The following TNRC6A variants were observed in gnomAD, a reference collection of about 807,000 sequenced individuals.
The protein encoded by TNRC6A is trinucleotide repeat-containing gene 6A protein.
TNRC6A carries 44 observed loss-of-function variants against 221.2 expected under a neutral mutation model. That is an observed-to-expected ratio of 0.20 (90% CI 0.16 to 0.26). TNRC6A has a LOEUF of 0.26. Ranked by LOEUF, TNRC6A falls within the 10% of genes least tolerant of loss-of-function variation. TNRC6A has a pLI of 1.00. For synonymous variants in TNRC6A, 847 were observed against 838.5 expected, an observed-to-expected ratio of 1.01 and a Z score of -0.18; for missense variants, 2,199 against 2,404.4, an observed-to-expected ratio of 0.91 and a Z score of 1.79.
intron 11 of TNRC6A, among the ~76,000 whole-genome samples, chr16:24,802,685 C>G (rs1167779967): frequency 6.6e-6 from 1 of 152,028 alleles, no homozygotes; most frequent in Non-Finnish European, 1.5e-5. Context: ...CTGCTGATAC[C>G]CTGATAGTGA....
chr16:24,721,681 C>T (rs932869310), intron 2 of TNRC6A, among the ~76,000 whole-genome samples: 1 of 152,136 alleles, frequency 6.6e-6, no homozygotes, highest in African/African-American at 2.4e-5. Context: ...GTGGTGCATG[C>T]CTTTGGTCCC....
At chr16:24,732,948 G>A (rs1158764800) in intron 2 of TNRC6A, among the ~76,000 whole-genome samples, 8 of 152,176 alleles carry the variant, frequency 5.3e-5, no homozygotes, top group Non-Finnish European at 7.3e-5. Flanking sequence ...CGAGTGCTGT[G>A]GCTCACACCT....
chr16:24,779,588 G>T (rs2057796118), intron 5 of TNRC6A, among the ~76,000 whole-genome samples: 2 of 152,128 alleles, frequency 1.3e-5, no homozygotes, highest in South Asian at 2.1e-4. Context: ...TCCTTATGGG[G>T]TGCTTACTGT....
intron 2 of TNRC6A, among the ~76,000 whole-genome samples, chr16:24,701,239 G>T (rs913169815): frequency 1.3e-5 from 2 of 152,204 alleles, no homozygotes; most frequent in African/African-American, 4.8e-5. Flanking sequence ...GGGACTGCAG[G>T]GGGAGCTTCA....
intron 4 of TNRC6A, among the ~76,000 whole-genome samples, chr16:24,758,941 AGT>A (rs1414163261): frequency 6.6e-6 from 1 of 152,104 alleles, no homozygotes; most frequent in East Asian, 1.9e-4. Flanking sequence ...CTGAATCAGG[AGT>A]TCTTCACCCT....
At chr16:24,625,572 A>C (rs1430855364) in intron 1 of TNRC6A, among the ~76,000 whole-genome samples, 1 of 151,900 alleles carries the variant, frequency 6.6e-6, no homozygotes, top group Non-Finnish European at 1.5e-5. Flanking sequence ...AAAAAATACA[A>C]AAAATTAGCC....
intron 17 of TNRC6A, among the ~76,000 whole-genome samples, chr16:24,807,029 A>G (rs890291604): frequency 3.4e-5 from 5 of 149,246 alleles, no homozygotes; most frequent in Non-Finnish European, 7.4e-5. Flanking sequence ...TTTTTAGGAC[A>G]GAGTCTTGCT....
At chr16:24,789,060 T>C in intron 5 of TNRC6A, among the ~76,000 whole-genome samples, 172 bp from the exon 6 acceptor site, 1 of 152,232 alleles carries the variant, frequency 6.6e-6, no homozygotes, top group East Asian at 1.9e-4. Context: ...ACATAGAAAG[T>C]TGGTGGCTAG....
intron 2 of TNRC6A, among the ~76,000 whole-genome samples, chr16:24,694,329 C>A (rs983076427): frequency 1.3e-5 from 2 of 152,112 alleles, no homozygotes; most frequent in African/African-American, 2.4e-5. Context: ...CACATGGACA[C>A]AATGACCCTA....
At chr16:24,649,062 C>G (rs1356272871) in intron 2 of TNRC6A, among the ~76,000 whole-genome samples, 1 of 151,896 alleles carries the variant, frequency 6.6e-6, no homozygotes, top group Non-Finnish European at 1.5e-5. Context: ...GGGAGGATCG[C>G]TTGAGCCCAG....
chr16:24,792,613 C>CTTTTTTTGT (rs2058129635), intron 6 of TNRC6A, among the ~76,000 whole-genome samples: 2 of 56,512 alleles, frequency 3.5e-5, no homozygotes, highest in Non-Finnish European at 5.8e-5. Context: ...ACATTTATGG[C>CTTTTTTTGT]TTTTTTTTTT....
intron 2 of TNRC6A, among the ~76,000 whole-genome samples, chr16:24,684,309 G>C (rs1048463181): frequency 3.3e-5 from 5 of 152,150 alleles, no homozygotes; most frequent in Admixed American, 1.3e-4. Flanking sequence ...GGGGGCTGAG[G>C]TGGGAGGATC....
chr16:24,741,904 G>A (rs944189265), intron 2 of TNRC6A, among the ~76,000 whole-genome samples: 1 of 152,072 alleles, frequency 6.6e-6, no homozygotes, highest in South Asian at 2.1e-4. Context: ...TGGCGTGATC[G>A]TGGCTCACTG....
upstream of TNRC6A, among the ~76,000 whole-genome samples, chr16:24,727,615 TA>T (rs111734079): frequency 0.036 from 5,313 of 149,252 alleles, 189 homozygotes; most frequent in African/African-American, 0.094. Flanking sequence ...AAAAGTCTAA[TA>T]AAAAAAAAAT....
At chr16:24,675,686 CTCTCTCTCTCTCTCTCTATATATATATA>C (rs1268139412) in intron 2 of TNRC6A, among the ~76,000 whole-genome samples, 359 of 83,742 alleles carry the variant, frequency 4.3e-3, no homozygotes, top group South Asian at 6.7e-3. Context: ...CTCTCTCTCT[CTCTCTCTCTCTCTCTCTATATATATATA>C]TATATATATA....
intron 2 of TNRC6A, among the ~76,000 whole-genome samples, chr16:24,742,621 T>C (rs965393672): frequency 2.0e-5 from 3 of 152,196 alleles, no homozygotes; most frequent in African/African-American, 4.8e-5. Context: ...GAGATTAACA[T>C]CTAAAATAAT....
At chr16:24,746,386 G>C (rs1567417042) in intron 2 of TNRC6A, among the ~76,000 whole-genome samples, 1 of 152,112 alleles carries the variant, frequency 6.6e-6, no homozygotes, top group Non-Finnish European at 1.5e-5. Flanking sequence ...ATTCCAGCTC[G>C]GGGCAACTGA....
intron 1 of TNRC6A, among the ~76,000 whole-genome samples, chr16:24,611,301 C>A (rs913179401): frequency 5.9e-5 from 9 of 152,078 alleles, no homozygotes; most frequent in African/African-American, 1.7e-4. Flanking sequence ...AAAAAAAATT[C>A]TTTTTTCACT....
At chr16:24,813,389 G>A (rs1012844779) in intron 18 of TNRC6A, among the ~76,000 whole-genome samples, 1 of 152,016 alleles carries the variant, frequency 6.6e-6, no homozygotes, top group Admixed American at 6.6e-5. Flanking sequence ...TCCATCTTTG[G>A]GTATACATTG....
Sources: allele counts gnomAD v4.1 joint callset (sites outside exome capture counted in the v4.1 genomes callset), GRCh38; gene constraint gnomAD v4.1.1; transcripts MANE v1.5; gene names NCBI Gene and HGNC (gene_info 2026-07-23, HGNC 2026-07-21).